CEP350: variants seen among roughly 807,000 people sequenced by gnomAD.
CEP350 encodes centrosomal protein 350.
Under a neutral mutation model 331.8 loss-of-function variants are expected in CEP350, and 126 were observed. The observed-to-expected ratio is 0.38, with a 90% CI of 0.33 to 0.44. The LOEUF is 0.44. Ranked by LOEUF, CEP350 falls within the 20% of genes least tolerant of loss-of-function variation. The probability of loss-of-function intolerance (pLI) is 1.00; values close to 1 mark genes in which losing one functional copy is unlikely to be tolerated. For synonymous variants in CEP350, 1,200 were observed against 1,259.5 expected, an observed-to-expected ratio of 0.95 and a Z score of 1.00; for missense variants, 3,406 against 3,634.6, an observed-to-expected ratio of 0.94 and a Z score of 1.62.
chr1:180,090,004 C>T (rs1660074861), intron 32 of CEP350, among the ~76,000 whole-genome samples: 1 of 152,108 alleles, frequency 6.6e-6, no homozygotes, highest in Admixed American at 6.5e-5. Context: ...GTGAATGTAG[C>T]CTCTTCTGTT....
At chr1:180,004,864 A>AGGCAGGCT (rs1654104932) in intron 7 of CEP350, among the ~76,000 whole-genome samples, 1 of 143,616 alleles carries the variant, frequency 7.0e-6, no homozygotes, top group African/African-American at 2.7e-5. Flanking sequence ...TTGGGCAGGC[A>AGGCAGGCT]GGCTGGCTGG....
chr1:180,114,170 CA>C lies in CEP350; in HGVS notation c.*3011del. ...GAGTGTTGTGGCCTATTGATAAAAA[CA>C]ATTTTGTTCAGTTTCTTGTCTTGAA... On this transcript the variant is annotated 3_prime_UTR_variant, in exon 38 of 38. Coordinates refer to ENST00000367607, the MANE Select transcript of CEP350 (RefSeq NM_014810.5). 1 of 152,402 alleles carries C rather than the reference CA, an allele frequency of 6.6e-6. No individual in the cohort carries two copies. The highest frequency in any genetic ancestry group is 1.5e-5 in the Non-Finnish European group (1 of 67,982). 9.4% of individuals were successfully genotyped at this position (152,402 alleles called of 1,614,324 possible).
chr1:180,059,426 T>TA (rs1658061349), intron 25 of CEP350, among the ~76,000 whole-genome samples: 1 of 152,252 alleles, frequency 6.6e-6, no homozygotes, highest in Non-Finnish European at 1.5e-5. Flanking sequence ...TACTTGCAGT[T>TA]AAAAAAAGCA....
At chr1:180,006,343 C>G in intron 7 of CEP350, 111 bp from the exon 8 acceptor site, 1 of 636,696 alleles carries the variant, frequency 1.6e-6, no homozygotes. Flanking sequence ...GTGTAGGTTT[C>G]TTTCTCCCTA....
rs374077242 is a variant in CEP350 at position 180,024,668 on chromosome 1, G to A, written c.3550+86G>A. On this transcript the variant is annotated intron_variant, in intron 14 of 37. Transcript: ENST00000367607. ...AAGTTATGATTTGATTGCATAAGAA[G>A]TTAGAAGAATTTCTTATGGTAATGT... 1.1e-4 allele frequency: 158 copies of A among 1,375,526 alleles called. No individual in the cohort carries two copies. The African/African-American group carries it at 1.9e-3, about 17-fold the overall frequency. 85.2% of individuals were successfully genotyped at this position (1,375,526 alleles called of 1,614,324 possible).
intron 1 of CEP350, among the ~76,000 whole-genome samples, chr1:179,970,373 C>G (rs1281274528): frequency 1.3e-5 from 2 of 152,162 alleles, no homozygotes; most frequent in Non-Finnish European, 2.9e-5. Context: ...TGTTATAGGA[C>G]TGTTGGTTAT....
chr1:180,048,668 A>G lies in CEP350; in HGVS notation c.4755A>G (p.Leu1585=), dbSNP rs766573944. ...TTCAGACTGCTGCAGATGATTCTCT[A>G]CGAAGTGATAGTGTTCCATCTCTTC... ...EQVQTAADDS[L]RSDSVPSLPD... Residue 1585 remains leucine (L), a synonymous_variant, in exon 22 of 38, where the codon CTA becomes CTG. Transcript: ENST00000367607. 7 of 1,612,644 alleles carry G rather than the reference A, an allele frequency of 4.3e-6. No homozygotes were observed. The highest frequency in any genetic ancestry group is 2.2e-5 in the East Asian group (1 of 44,848).
chr1:179,962,813 T>G (rs60594364), intron 1 of CEP350, among the ~76,000 whole-genome samples: 2,565 of 152,324 alleles, frequency 0.017, 81 homozygotes, highest in African/African-American at 0.058. Flanking sequence ...ATAGAATGAT[T>G]TCTTTTCCTT....
intron 32 of CEP350, among the ~76,000 whole-genome samples, 154 bp from the exon 33 acceptor site, chr1:180,090,560 A>G (rs1324631160): frequency 1.6e-5 from 2 of 124,318 alleles, no homozygotes; most frequent in African/African-American, 5.3e-5. Flanking sequence ...AAAAAAAAAA[A>G]AAAAAAAAAA....
In CEP350 at chr1:180,041,687, T is replaced by C; in HGVS notation, c.4247T>C (p.Val1416Ala). 6.2e-7 allele frequency: 1 copy of C among 1,613,708 alleles called. No homozygotes were observed. The highest frequency in any genetic ancestry group is 1.1e-5 in the South Asian group (1 of 91,036). ...GTCCATGCAGAATCATTACAGCAGG[T>C]GGTTCAATCACAACGGGAAGTAACT... The part of the protein sequence containing the change: ...AQVHAESLQQ[V>A]VQSQREVTEV... The change falls in exon 19 of 38, where the codon GTG (valine) becomes GCG (alanine). Residue 1416 changes from valine to alanine, a missense_variant. Val to Ala is a moderately conservative substitution (Grantham distance 64). This residue lies in a region of CEP350 where 1,857 missense variants were observed against 1,909.2 expected (regional missense o/e 0.97). Coordinates refer to ENST00000367607, the MANE Select transcript of CEP350 (RefSeq NM_014810.5).
At chr1:179,994,653 C>T (rs895842892) in intron 5 of CEP350, among the ~76,000 whole-genome samples, 2 of 151,572 alleles carry the variant, frequency 1.3e-5, no homozygotes, top group Non-Finnish European at 2.9e-5. Context: ...AGGTTTTTGC[C>T]GTGTTGCCCA....
At chr1:180,078,294 T>A (rs1265491654) in intron 28 of CEP350, among the ~76,000 whole-genome samples, 169 bp from the exon 29 acceptor site, 1 of 152,170 alleles carries the variant, frequency 6.6e-6, no homozygotes, top group Non-Finnish European at 1.5e-5. Context: ...GACTGTGAAA[T>A]AGATAACCCA....
chr1:180,054,361 CAGGTAAG>C (rs1448067535), intron 24 of CEP350, 47 bp from the exon 25 acceptor site: 1 of 1,359,984 alleles, frequency 7.4e-7, no homozygotes, highest in East Asian at 2.5e-5. Flanking sequence ...TGACATTATT[CAGGTAAG>C]AGAAATTTAA....
At chr1:179,997,298 T>C (rs1571840179) in intron 6 of CEP350, 123 bp downstream of exon 6, 1 of 1,152,344 alleles carries the variant, frequency 8.7e-7, no homozygotes, top group East Asian at 2.4e-5. Context: ...CATAAGCACT[T>C]AGGGAGGCCG....
At chr1:180,090,557 A>AAAAAG (rs1553265977) in intron 32 of CEP350, among the ~76,000 whole-genome samples, 157 bp from the exon 33 acceptor site, 19 of 92,310 alleles carry the variant, frequency 2.1e-4, no homozygotes, top group Non-Finnish European at 3.6e-4. Flanking sequence ...AAAAAAAAAA[A>AAAAAG]AAAAAAAAAA....
At chr1:179,977,413 G>T (rs1651949635) in intron 1 of CEP350, among the ~76,000 whole-genome samples, 1 of 152,182 alleles carries the variant, frequency 6.6e-6, no homozygotes, top group Admixed American at 6.5e-5. Context: ...CTGAGTTCAG[G>T]CTAGAGGTTA....
intron 17 of CEP350, among the ~76,000 whole-genome samples, chr1:180,038,075 A>T (rs190689641): frequency 6.6e-5 from 10 of 152,208 alleles, no homozygotes; most frequent in African/African-American, 2.2e-4. Context: ...CCCCTTCCCA[A>T]AGGCAATTAC....
At chr1:179,995,736 C>T (rs183306282) in intron 5 of CEP350, among the ~76,000 whole-genome samples, 23 of 152,262 alleles carry the variant, frequency 1.5e-4, no homozygotes, top group Non-Finnish European at 3.2e-4. Context: ...GGTACTTTGG[C>T]TTTGCCCAGC....
At chr1:180,101,460 G>A (rs531453544) in intron 37 of CEP350, among the ~76,000 whole-genome samples, 10 of 152,018 alleles carry the variant, frequency 6.6e-5, no homozygotes, top group South Asian at 2.1e-4. Context: ...TTAATAACAC[G>A]TAAAAGTTTT....
Sources: gnomAD v4.1 joint callset for allele counts (sites outside exome capture counted in the v4.1 genomes callset) on GRCh38, gnomAD v4.1.1 for gene constraint, gnomAD v4.1.1 regional missense constraint, MANE v1.5 for transcripts, NCBI Gene and HGNC (gene_info 2026-07-23, HGNC 2026-07-21) for gene names.